The following NELL2 variants were observed in gnomAD, a reference collection of about 807,000 sequenced individuals.
NELL2 encodes the protein neural EGFL like 2.
In NELL2, 41 loss-of-function variants were observed where a neutral mutation model predicts 109.6. That is an observed-to-expected ratio of 0.37 (90% confidence interval 0.29 to 0.49). The LOEUF is 0.49. Among genes scored for constraint, NELL2 ranks in the 20% least tolerant of loss-of-function variants. NELL2 has a pLI of 0.98. For synonymous variants in NELL2, 355 were observed against 344.7 expected, an observed-to-expected ratio of 1.03 and a Z score of -0.33; for missense variants, 900 against 1,008.3, an observed-to-expected ratio of 0.89 and a Z score of 1.45.
chr12:44,716,670 A>G (rs1399204859), intron 9 of NELL2, among the ~76,000 whole-genome samples: 3 of 152,130 alleles, frequency 2.0e-5, no homozygotes, highest in Non-Finnish European at 2.9e-5. Flanking sequence ...ATGAGAATAA[A>G]CAAAACCTTT....
rs563329025 is a variant in NELL2 at position 44,547,031 on chromosome 12, T to C, written c.1664-14310A>G. Among the ~76,000 whole-genome samples the C allele has an allele frequency of 2.6e-5, 4 of 152,322 alleles. No homozygotes were observed. The South Asian group carries it at 8.3e-4, about 32-fold the overall frequency. ...ACAAACCTTTTTTTTAAAAGATTTATATGGTGATAGGAGACATGATATGGG... is the reference window on the plus strand; with the variant it reads ...ACAAACCTTTTTTTTAAAAGATTTACATGGTGATAGGAGACATGATATGGG... On this transcript the variant is annotated intron_variant, in intron 15 of 19. Coordinates refer to ENST00000429094, the MANE Select transcript of NELL2 (RefSeq NM_001145108.2).
In NELL2 at chr12:44,522,084, A is replaced by G. The variant is rs1941564707; in HGVS notation, c.2091T>C (p.Ser697=). 1.2e-6 allele frequency: 2 copies of G among 1,614,184 alleles called. No homozygotes were observed. The highest frequency in any genetic ancestry group is 1.1e-5 in the South Asian group (1 of 91,086). The change falls in exon 18 of 20, where the codon AGT becomes AGC. Residue 697 remains serine (S), a synonymous_variant. Transcript: ENST00000429094. ...CCCCATTTTGATGGAGGCACTGACT[A>G]CTAAGCCTTGGGTCACATTCAGGGC... The part of the protein sequence containing the change: ...FCCPECDPRL[S]SQCLHQNGET...
intron 18 of NELL2, among the ~76,000 whole-genome samples, chr12:44,520,430 A>C (rs1941476895): frequency 1.3e-5 from 2 of 152,232 alleles, no homozygotes; most frequent in Non-Finnish European, 2.9e-5. Flanking sequence ...TCTGTATTGC[A>C]GCTTGATTTT....
At chr12:44,914,369 T>C (rs1945810579), upstream of NELL2, among the ~76,000 whole-genome samples, 3 of 152,196 alleles carry the variant, frequency 2.0e-5, no homozygotes, top group Admixed American at 6.5e-5. Context: ...TGCTGTTCTT[T>C]CTGCCTGGAA....
At position 44,875,448 on chromosome 12, in the gene NELL2, G is replaced by A. The variant is rs1447098551; in HGVS notation, c.56-95C>T. The A allele has an allele frequency of 3.7e-6, 6 of 1,613,746 alleles. No homozygotes were observed. The South Asian group carries it at 4.4e-5, about 12-fold the overall frequency. ...GGGCAGCAAAGAACCGCGTTTTCGC[G>A]ACAATATTGGGAACTGAAGATGAGA... is the stretch of plus-strand genomic sequence containing the variant. On this transcript the variant is annotated intron_variant, in intron 1 of 19. Transcript: ENST00000429094.
intron 13 of NELL2, among the ~76,000 whole-genome samples, chr12:44,613,476 G>A (rs927918473): frequency 6.6e-6 from 1 of 152,026 alleles, no homozygotes. Flanking sequence ...CAAACACAGA[G>A]CTCTTAAAAA....
At chr12:44,687,423 C>T (rs1259620189) in intron 12 of NELL2, among the ~76,000 whole-genome samples, 1 of 152,180 alleles carries the variant, frequency 6.6e-6, no homozygotes, top group Admixed American at 6.5e-5. Context: ...GCCATCTTGG[C>T]TCCTCCCCCT....
intron 11 of NELL2, among the ~76,000 whole-genome samples, chr12:44,705,361 C>T (rs1052599096): frequency 2.0e-5 from 3 of 151,980 alleles, no homozygotes; most frequent in African/African-American, 4.8e-5. Context: ...TAAAATCGAA[C>T]ATAGGTTTAT....
intron 1 of NELL2, among the ~76,000 whole-genome samples, chr12:44,908,713 T>C (rs1945747295): frequency 6.6e-6 from 1 of 151,994 alleles, no homozygotes; most frequent in Non-Finnish European, 1.5e-5. Flanking sequence ...TAGTCTAAAG[T>C]AAATGAGTTG....
intron 9 of NELL2, among the ~76,000 whole-genome samples, chr12:44,732,622 A>T (rs917882453): frequency 5.3e-5 from 8 of 152,018 alleles, no homozygotes; most frequent in African/African-American, 1.7e-4. Context: ...AATAGAAAAA[A>T]ATTTCATAAT....
At chr12:44,613,817 C>G (rs941188675) in intron 13 of NELL2, among the ~76,000 whole-genome samples, 3 of 152,006 alleles carry the variant, frequency 2.0e-5, no homozygotes, top group African/African-American at 7.2e-5. Context: ...ATTATTAGTG[C>G]TCCATTTCCA....
At chr12:44,822,167 T>G (rs955430677) in intron 2 of NELL2, among the ~76,000 whole-genome samples, 2 of 152,150 alleles carry the variant, frequency 1.3e-5, no homozygotes, top group African/African-American at 4.8e-5. Flanking sequence ...GAACAAACTT[T>G]GAAGCCAGAA....
chr12:44,890,291 T>C (rs1945519111), intron 1 of NELL2, among the ~76,000 whole-genome samples: 1 of 152,190 alleles, frequency 6.6e-6, no homozygotes, highest in Non-Finnish European at 1.5e-5. Context: ...CTATACAGGC[T>C]GACTCTTAGT....
At chr12:44,630,003 A>G (rs1294540407) in intron 13 of NELL2, among the ~76,000 whole-genome samples, 4 of 152,166 alleles carry the variant, frequency 2.6e-5, no homozygotes, top group Admixed American at 2.6e-4. Context: ...TCTATTACTA[A>G]TAGCCCTATT....
rs766223221 is a variant in NELL2 at position 44,509,003 on chromosome 12, G to A, written c.2401-19C>T. 7 of 1,607,194 alleles carry A rather than the reference G, an allele frequency of 4.4e-6. No individual in the cohort carries two copies. The highest frequency in any genetic ancestry group is 6.0e-6 in the Non-Finnish European group (7 of 1,175,070). ...GGCCATTCTAGATTTAAAAAAAGTAGAAAGAAAAACAGTATGAATTTTTAA... is the reference window on the plus strand; with the variant it reads ...GGCCATTCTAGATTTAAAAAAAGTAAAAAGAAAAACAGTATGAATTTTTAA... On this transcript the variant is annotated intron_variant, in intron 19 of 19. Transcript: ENST00000429094.
At chr12:44,760,561 GAA>G (rs1403312973) in intron 9 of NELL2, among the ~76,000 whole-genome samples, 1 of 152,050 alleles carries the variant, frequency 6.6e-6, no homozygotes, top group Non-Finnish European at 1.5e-5. Context: ...AATTAATAGA[GAA>G]TGAGATAAAT....
chr12:44,648,839 G>A (rs1053857032), intron 13 of NELL2, among the ~76,000 whole-genome samples: 3 of 146,424 alleles, frequency 2.0e-5, no homozygotes, highest in East Asian at 2.0e-4. Flanking sequence ...AGGTCCAAGC[G>A]ATTCTCCTGC....
intron 13 of NELL2, among the ~76,000 whole-genome samples, chr12:44,627,918 T>C (rs1267504094): frequency 6.6e-6 from 1 of 152,224 alleles, no homozygotes; most frequent in East Asian, 1.9e-4. Context: ...ATAAAATGTA[T>C]TCCTGGAAAC....
At chr12:44,724,277 A>G (rs1938952201) in intron 9 of NELL2, among the ~76,000 whole-genome samples, 2 of 151,178 alleles carry the variant, frequency 1.3e-5, no homozygotes, top group Admixed American at 1.3e-4. Flanking sequence ...GGGCTAAAGA[A>G]CCACCTGTTG....
Sources: allele counts gnomAD v4.1 joint callset (sites outside exome capture counted in the v4.1 genomes callset), GRCh38; gene constraint gnomAD v4.1.1; transcripts MANE v1.5; gene names NCBI Gene and HGNC (gene_info 2026-07-23, HGNC 2026-07-21).